The following OR9Q1 variants were observed in gnomAD, a reference collection of about 807,000 sequenced individuals.
OR9Q1 encodes the protein olfactory receptor 9Q1.
For synonymous variants in OR9Q1, 153 were observed against 148.6 expected (o/e 1.03, Z -0.22); for missense variants, 374 against 378.8 (o/e 0.99, Z 0.11).
chr11:58,096,904 A>G (rs1853737714), intron 2 of OR9Q1, among the ~76,000 whole-genome samples: 1 of 152,054 alleles, frequency 6.6e-6, no homozygotes, highest in African/African-American at 2.4e-5. Flanking sequence ...GGGATTTACC[A>G]TGTTAGCCAG....
intron 1 of OR9Q1, chr11:58,044,749 G>A (rs1853199676): frequency 1.5e-5 from 2 of 132,696 alleles, no homozygotes; most frequent in African/African-American, 5.6e-5. Context: ...AGCTCTTCCG[G>A]ATTTCGAGTG....
intron 1 of OR9Q1, among the ~76,000 whole-genome samples, chr11:58,030,304 C>T (rs1853018709): frequency 6.6e-6 from 1 of 152,176 alleles, no homozygotes; most frequent in Admixed American, 6.5e-5. Context: ...CATGGTGTCC[C>T]AGCCTACTCC....
chr11:58,118,022 C>T (rs1853975490), intron 2 of OR9Q1: 1 of 152,770 alleles, frequency 6.5e-6, no homozygotes, highest in South Asian at 2.1e-4. Context: ...ATACAATACT[C>T]CCTGCTTAGT....
chr11:58,138,313 C>T (rs1854208527), intron 2 of OR9Q1, among the ~76,000 whole-genome samples: 1 of 152,128 alleles, frequency 6.6e-6, no homozygotes. Flanking sequence ...AAAGTGATGG[C>T]CACAGTGTAA....
At chr11:58,090,616 G>A (rs1439377434) in intron 2 of OR9Q1, among the ~76,000 whole-genome samples, 1 of 151,666 alleles carries the variant, frequency 6.6e-6, no homozygotes, top group Non-Finnish European at 1.5e-5. Context: ...CTTTTTTTGT[G>A]GTGTGTCCAG....
At chr11:58,025,479 G>A (rs1286754253) in intron 1 of OR9Q1, among the ~76,000 whole-genome samples, 1 of 152,204 alleles carries the variant, frequency 6.6e-6, no homozygotes, top group African/African-American at 2.4e-5. Flanking sequence ...GATTGCAGGC[G>A]TGAGCCACTG....
chr11:58,140,496 T>C (rs1014738515), intron 2 of OR9Q1, among the ~76,000 whole-genome samples: 8 of 152,212 alleles, frequency 5.3e-5, no homozygotes, highest in African/African-American at 1.9e-4. Flanking sequence ...GTTTCAGCTT[T>C]CTACATATGG....
intron 2 of OR9Q1, among the ~76,000 whole-genome samples, chr11:58,174,934 C>T (rs1395706931): frequency 1.3e-5 from 2 of 151,028 alleles, no homozygotes; most frequent in South Asian, 2.1e-4. Context: ...AGTGAAATCA[C>T]GACTCTACTA....
intron 2 of OR9Q1, among the ~76,000 whole-genome samples, chr11:58,136,411 G>A (rs192360039): frequency 2.0e-5 from 3 of 152,256 alleles, no homozygotes; most frequent in Admixed American, 2.0e-4. Flanking sequence ...TGTTGCTTCA[G>A]TCTTCTATTC....
intron 2 of OR9Q1, among the ~76,000 whole-genome samples, chr11:58,092,157 A>G (rs1853690545): frequency 6.6e-6 from 1 of 151,982 alleles, no homozygotes. Context: ...TAAGGTTAAT[A>G]TTGTTATGTG....
At chr11:58,041,133 A>G (rs935495133) in intron 1 of OR9Q1, 4 of 152,360 alleles carry the variant, frequency 2.6e-5, no homozygotes, top group Admixed American at 1.3e-4. Context: ...CACACTTTAC[A>G]GTCACTGTGG....
intron 1 of OR9Q1, among the ~76,000 whole-genome samples, chr11:58,034,812 T>C (rs1276043449): frequency 1.9e-4 from 27 of 142,726 alleles, no homozygotes; most frequent in Non-Finnish European, 3.5e-4. Context: ...CTTCCTTCCT[T>C]CCTTCCTTCC....
chr11:58,158,646 G>T (rs1002989484), intron 2 of OR9Q1, among the ~76,000 whole-genome samples: 6 of 152,092 alleles, frequency 3.9e-5, no homozygotes, highest in Non-Finnish European at 8.8e-5. Context: ...TATGACCAAG[G>T]TGGTTCCATC....
intron 2 of OR9Q1, among the ~76,000 whole-genome samples, chr11:58,169,155 G>A (rs577538497): frequency 7.9e-5 from 12 of 152,240 alleles, no homozygotes; most frequent in Admixed American, 4.6e-4. Flanking sequence ...ATTCAGTAGA[G>A]TGGATGCCAA....
In OR9Q1 at chr11:58,181,475, A is replaced by C. The variant is rs1402598376; in HGVS notation, c.*1098A>C. ...TCTCAATCAAACCCAAGGCACTGGA[A>C]GAGAGCAGGCCCCATCTATTAATTT... On this transcript the variant is annotated 3_prime_UTR_variant, in exon 3 of 3. Coordinates refer to ENST00000335397, the MANE Select transcript of OR9Q1 (RefSeq NM_001005212.4). 65 of 166,848 alleles carry C rather than the reference A, an allele frequency of 3.9e-4. No homozygotes were observed. 10.3% of individuals were successfully genotyped at this position (166,848 alleles called of 1,614,324 possible). A position where few individuals can be genotyped will look rare whatever the true frequency, so the allele number is the denominator to read the frequency against.
chr11:58,122,838 G>A (rs562515986), intron 2 of OR9Q1, among the ~76,000 whole-genome samples: 49 of 152,072 alleles, frequency 3.2e-4, no homozygotes, highest in African/African-American at 1.1e-3. Flanking sequence ...AGAAATATAT[G>A]TATATTAAAA....
chr11:58,048,659 G>T (rs1853244659), intron 1 of OR9Q1, among the ~76,000 whole-genome samples: 2 of 113,098 alleles, frequency 1.8e-5, no homozygotes, highest in South Asian at 7.0e-4. Flanking sequence ...ATAGAGCAAG[G>T]ACTCCATCTT....
chr11:58,055,346 G>T (rs1428331591), intron 1 of OR9Q1, among the ~76,000 whole-genome samples: 1 of 152,068 alleles, frequency 6.6e-6, no homozygotes, highest in African/African-American at 2.4e-5. Flanking sequence ...CCTTCTTAAA[G>T]AAGCTGAGCC....
chr11:58,163,442 T>C (rs1854474061), intron 2 of OR9Q1, among the ~76,000 whole-genome samples: 1 of 152,220 alleles, frequency 6.6e-6, no homozygotes, highest in Non-Finnish European at 1.5e-5. Context: ...CCTTGCTCTC[T>C]TCCTTTTTCT....
Sources: allele counts gnomAD v4.1 joint callset (sites outside exome capture counted in the v4.1 genomes callset), GRCh38; gene constraint gnomAD v4.1.1; transcripts MANE v1.5; gene names NCBI Gene and HGNC (gene_info 2026-07-23, HGNC 2026-07-21).